The following PRKRA variants were observed in gnomAD, a reference collection of about 807,000 sequenced individuals.
The protein encoded by PRKRA is protein activator of interferon induced protein kinase EIF2AK2.
In PRKRA, 22 loss-of-function variants were observed where a neutral mutation model predicts 32.4. That is an observed-to-expected ratio of 0.68 (90% CI 0.49 to 0.97). PRKRA has a LOEUF of 0.97. PRKRA is among the 50% of genes least tolerant of loss of function. The pLI, the probability that PRKRA is intolerant of heterozygous loss-of-function variation, is 0.00. For missense variants in PRKRA, 319 were observed against 375.6 expected (o/e 0.85, Z 1.25); for synonymous variants, 139 against 129.8 (o/e 1.07, Z -0.48).
intron 4 of PRKRA, chr2:178,443,808 G>A (rs1456460209): frequency 5.5e-6 from 1 of 182,178 alleles, no homozygotes; most frequent in Non-Finnish European, 1.2e-5. Context: ...GCAAACAACA[G>A]ACTTGCATAA....
intron 2 of PRKRA, 136 bp downstream of exon 2, chr2:178,450,106 T>G: frequency 9.0e-7 from 1 of 1,115,202 alleles, no homozygotes; most frequent in Non-Finnish European, 1.4e-6. Context: ...CCTAACGACC[T>G]GAGATGAGAG....
chr2:178,447,939 G>C (rs1206603412), intron 2 of PRKRA, among the ~76,000 whole-genome samples: 1 of 152,208 alleles, frequency 6.6e-6, no homozygotes, highest in African/African-American at 2.4e-5. Context: ...ATGCAGATTA[G>C]TATTTTACTC....
Position 178,441,910 on chromosome 2 carries a change from G to A in PRKRA, c.515-206C>T, listed in dbSNP as rs192721488. 8.9e-3 allele frequency among the ~76,000 whole-genome samples: 1,216 copies of A among 136,340 alleles called. 17 individuals are homozygous for A. The highest frequency in any genetic ancestry group is 0.032 in the African/African-American group (1,146 of 35,294). 89.4% of individuals were successfully genotyped at this position (136,340 alleles called of 152,430 possible). A position where few individuals can be genotyped will look rare whatever the true frequency, so the allele number is the denominator to read the frequency against. ...TTCTTTTTTTTTTTTTTTTTGAGAC[G>A]GACCCTCACTTTGTCACCAGGCTGG... On this transcript the variant is annotated intron_variant, in intron 5 of 7. Transcript: ENST00000325748.
At chr2:178,439,001 A>G (rs1697015757) in intron 6 of PRKRA, 1 of 152,172 alleles carries the variant, frequency 6.6e-6, no homozygotes, top group Admixed American at 6.5e-5. Flanking sequence ...GTAGGTTTTG[A>G]GTGAGACCAC....
intron 7 of PRKRA, among the ~76,000 whole-genome samples, chr2:178,434,666 T>C (rs1437592446): frequency 6.6e-6 from 1 of 152,084 alleles, no homozygotes; most frequent in Non-Finnish European, 1.5e-5. Context: ...ACTGAGACAA[T>C]GCACTTCACC....
chr2:178,443,625 CA>C, intron 4 of PRKRA: 1 of 413,984 alleles, frequency 2.4e-6, no homozygotes, highest in Non-Finnish European at 4.5e-6. Flanking sequence ...CATTAAACCA[CA>C]GTGAGCTGGT....
intron 6 of PRKRA, among the ~76,000 whole-genome samples, chr2:178,437,630 G>A (rs1229646434): frequency 1.3e-5 from 2 of 152,000 alleles, no homozygotes; most frequent in East Asian, 1.9e-4. Context: ...TTTTAATTTT[G>A]ATAAATACTT....
Position 178,441,590 on chromosome 2 carries a change from T to G in PRKRA, c.609+20A>C. The G allele has an allele frequency of 1.4e-6, 1 of 720,854 alleles. No individual in the cohort carries two copies. Among genetic ancestry groups the G allele is most frequent in the Non-Finnish European group, 2.0e-6 (1 of 488,702 alleles). The allele number at this position is 720,854 out of a possible 1,614,324, so 44.7% of individuals were successfully genotyped here. On this transcript the variant is annotated intron_variant, in intron 6 of 7. Transcript: ENST00000325748. ...GAAATGCTTAATGACATTAACATCA[T>G]AGCTGTCAACATTACTCACTAAAGA...
At chr2:178,441,010 C>G (rs1697091444) in intron 6 of PRKRA, among the ~76,000 whole-genome samples, 1 of 152,226 alleles carries the variant, frequency 6.6e-6, no homozygotes, top group South Asian at 2.1e-4. Flanking sequence ...ATGTTTCACT[C>G]CTGGCCTTTG....
At chr2:178,441,799 C>G (rs1224490917) in intron 5 of PRKRA, 95 bp from the exon 6 acceptor site, 2 of 1,056,594 alleles carry the variant, frequency 1.9e-6, no homozygotes, top group Non-Finnish European at 2.9e-6. Context: ...ATCAGAGAAC[C>G]TCACGGTTTT....
chr2:178,446,810 G>A (rs1161503730), intron 3 of PRKRA, among the ~76,000 whole-genome samples: 3 of 151,810 alleles, frequency 2.0e-5, no homozygotes, highest in Non-Finnish European at 4.4e-5. Context: ...CGGCTAAAAC[G>A]GTGAAACCCC....
chr2:178,450,995 C>A lies in PRKRA; in HGVS notation c.36G>T (p.Pro12=). 6.4e-7 allele frequency: 1 copy of A among 1,563,296 alleles called. No individual in the cohort carries two copies. Residue 12 remains proline, a synonymous_variant, in exon 1 of 8, where the codon CCG becomes CCT. Transcript: ENST00000325748. ...AGGTCCCACTGTCCTCGCGCTCCAGCGGCGGGGCCTCGGCGCGGTGCCTGC... is the reference window on the plus strand; with the variant it reads ...AGGTCCCACTGTCCTCGCGCTCCAGAGGCGGGGCCTCGGCGCGGTGCCTGC... The part of the protein sequence containing the change: ...SQSRHRAEAP[P]LEREDSGTFS...
chr2:178,443,137 C>G, intron 5 of PRKRA, 130 bp downstream of exon 5: 1 of 692,204 alleles, frequency 1.4e-6, no homozygotes, highest in African/African-American at 1.8e-5. Flanking sequence ...CTCAGAAAGT[C>G]AGAGACAATA....
At chr2:178,450,456 A>G (rs770050266) in intron 1 of PRKRA, 45 bp from the exon 2 acceptor site, 2 of 1,288,636 alleles carry the variant, frequency 1.6e-6, no homozygotes, top group South Asian at 2.9e-5. Flanking sequence ...CAAATTGGAG[A>G]TTGAAGCAGA....
chr2:178,432,801 GTATT>G (rs1696723714), intron 7 of PRKRA, among the ~76,000 whole-genome samples: 1 of 152,172 alleles, frequency 6.6e-6, no homozygotes, highest in Non-Finnish European at 1.5e-5. Flanking sequence ...ATAATTGTAT[GTATT>G]TATGCTGTTG....
chr2:178,443,133 AAGTC>A (rs1179804741), intron 5 of PRKRA, 130 bp downstream of exon 5: 7 of 665,806 alleles, frequency 1.1e-5, no homozygotes, highest in African/African-American at 7.2e-5. Flanking sequence ...CAACCTCAGA[AAGTC>A]AGAGACAATA....
At chr2:178,436,448 A>G in intron 6 of PRKRA, 129 bp from the exon 7 acceptor site, 1 of 771,704 alleles carries the variant, frequency 1.3e-6, no homozygotes, top group East Asian at 2.6e-5. Context: ...AATGGATAAC[A>G]TTTGGTTAAT....
chr2:178,446,941 C>T (rs1439585579), intron 3 of PRKRA, among the ~76,000 whole-genome samples: 1 of 137,878 alleles, frequency 7.3e-6, no homozygotes, highest in Non-Finnish European at 1.5e-5. Flanking sequence ...TGCAGTGAGC[C>T]GAGATCCCGC....
chr2:178,446,312 G>A (rs1697311715), intron 3 of PRKRA, among the ~76,000 whole-genome samples: 1 of 152,194 alleles, frequency 6.6e-6, no homozygotes, highest in Non-Finnish European at 1.5e-5. Context: ...ACCCCGCCCA[G>A]CCTGGCATAG....
Sources: allele counts gnomAD v4.1 joint callset (sites outside exome capture counted in the v4.1 genomes callset), GRCh38; gene constraint gnomAD v4.1.1; transcripts MANE v1.5; gene names NCBI Gene and HGNC (gene_info 2026-07-23, HGNC 2026-07-21).